Variants in LRFN5 observed in about 807,000 individuals in gnomAD.
LRFN5 encodes leucine rich repeat and fibronectin type III domain containing 5.
A neutral mutation model predicts 45.6 loss-of-function variants in LRFN5; 24 were observed. That is an observed-to-expected ratio of 0.53 (90% confidence interval 0.38 to 0.74). The LOEUF (loss-of-function observed/expected upper bound fraction) is 0.74, where lower values mean the gene tolerates loss of function less well. Among genes scored for constraint, LRFN5 ranks in the 30% least tolerant of loss-of-function variants. The pLI is 0.00. For synonymous variants in LRFN5, 340 were observed against 313.8 expected, an observed-to-expected ratio of 1.08 and a Z score of -0.88; for missense variants, 776 against 861.5, an observed-to-expected ratio of 0.90 and a Z score of 1.24.
rs1257486825 is a variant in LRFN5 at position 41,642,211 on chromosome 14, G to T, written c.-197+33649G>T. ...TAACACTTTCATCCTTCAATAATGT[G>T]TTGAAATAAATACACATACTGAATC... On this transcript the variant is annotated intron_variant, in intron 1 of 5. Transcript: ENST00000298119. Among the ~76,000 whole-genome samples, 20 of 152,072 alleles carry T rather than the reference G, an allele frequency of 1.3e-4. 1 individual carries two copies.
intron 2 of LRFN5, among the ~76,000 whole-genome samples, chr14:41,790,843 C>A (rs1886894220): frequency 6.6e-6 from 1 of 151,564 alleles, no homozygotes; most frequent in Non-Finnish European, 1.5e-5. Context: ...TTTAAATAAG[C>A]TTTTAGCATA....
At chr14:41,831,543 T>TATATG (rs1314381337) in intron 2 of LRFN5, among the ~76,000 whole-genome samples, 2 of 152,312 alleles carry the variant, frequency 1.3e-5, no homozygotes, top group South Asian at 4.1e-4. Context: ...TGTTTGTAAG[T>TATATG]ATATACACAT....
intron 2 of LRFN5, among the ~76,000 whole-genome samples, chr14:41,863,053 A>G (rs1889721809): frequency 6.6e-6 from 1 of 151,540 alleles, no homozygotes; most frequent in African/African-American, 2.4e-5. Context: ...TTTTAGTGAG[A>G]CGGAGTTTCA....
intron 1 of LRFN5, among the ~76,000 whole-genome samples, chr14:41,625,496 C>A (rs566526558): frequency 1.4e-4 from 22 of 152,232 alleles, no homozygotes; most frequent in African/African-American, 5.3e-4. Flanking sequence ...TTATAAATTA[C>A]CAAGCCTCAG....
intron 2 of LRFN5, among the ~76,000 whole-genome samples, chr14:41,847,359 T>C (rs1381919982): frequency 1.3e-5 from 2 of 152,168 alleles, no homozygotes; most frequent in Non-Finnish European, 2.9e-5. Flanking sequence ...TAAAGAAATT[T>C]ACTTAATTTA....
intron 2 of LRFN5, among the ~76,000 whole-genome samples, chr14:41,777,383 T>G (rs2138907728): frequency 2.0e-5 from 3 of 151,892 alleles, no homozygotes; most frequent in Admixed American, 2.0e-4. Flanking sequence ...ACATCTTGAG[T>G]TTCTTTTCTG....
rs192281241 is a variant in LRFN5 at position 41,713,404 on chromosome 14, A to G, written c.-196-53450A>G. Among the ~76,000 whole-genome samples the G allele has an allele frequency of 2.0e-4, 30 of 152,214 alleles. No individual in the cohort carries two copies. The East Asian group carries it at 5.2e-3, about 26-fold the overall frequency. On this transcript the variant is annotated intron_variant, in intron 1 of 5. Transcript: ENST00000298119. ...ATTAAGATTTTTAAACATATATTTG[A>G]TAAAGTACATCTAGTACAAAGACAA...
intron 2 of LRFN5, among the ~76,000 whole-genome samples, chr14:41,859,339 T>G (rs1458347903): frequency 6.6e-6 from 1 of 152,206 alleles, no homozygotes; most frequent in Non-Finnish European, 1.5e-5. Flanking sequence ...CTTTCTATGT[T>G]CCCTGTCTAC....
intron 1 of LRFN5, among the ~76,000 whole-genome samples, chr14:41,721,265 T>C (rs971666580): frequency 1.3e-5 from 2 of 152,150 alleles, no homozygotes; most frequent in African/African-American, 4.8e-5. Context: ...ATGGTTGTCA[T>C]TGTGTGTGAG....
At chr14:41,835,468 T>A (rs910759998) in intron 2 of LRFN5, among the ~76,000 whole-genome samples, 2 of 152,226 alleles carry the variant, frequency 1.3e-5, no homozygotes, top group East Asian at 3.9e-4. Flanking sequence ...TGAAGTCAAA[T>A]AGACCTCATA....
chr14:41,761,781 G>A (rs1467983700), intron 1 of LRFN5, among the ~76,000 whole-genome samples: 1 of 152,014 alleles, frequency 6.6e-6, no homozygotes, highest in Non-Finnish European at 1.5e-5. Flanking sequence ...AAGTATTTTT[G>A]TTATTATTTT....
At chr14:41,844,450 AT>A (rs1008599708) in intron 2 of LRFN5, among the ~76,000 whole-genome samples, 48 of 151,504 alleles carry the variant, frequency 3.2e-4, no homozygotes, top group South Asian at 1.7e-3. Flanking sequence ...AAAAAAAAAA[AT>A]ATGTATATTT....
At chr14:41,854,643 G>C (rs1889389676) in intron 2 of LRFN5, among the ~76,000 whole-genome samples, 1 of 152,148 alleles carries the variant, frequency 6.6e-6, no homozygotes, top group Non-Finnish European at 1.5e-5. Context: ...CAAGAAAATA[G>C]GTTGGTCTTT....
intron 1 of LRFN5, among the ~76,000 whole-genome samples, chr14:41,740,978 C>G (rs928689817): frequency 2.0e-5 from 3 of 151,756 alleles, no homozygotes; most frequent in Admixed American, 1.3e-4. Context: ...TTTACAATAG[C>G]ATCCAAAAAT....
intron 2 of LRFN5, among the ~76,000 whole-genome samples, chr14:41,843,993 A>G (rs1442793321): frequency 6.6e-6 from 1 of 152,214 alleles, no homozygotes; most frequent in African/African-American, 2.4e-5. Flanking sequence ...AGGGGCCAAT[A>G]GCTAAAAGAA....
At chr14:41,717,378 A>G (rs1348887965) in intron 1 of LRFN5, among the ~76,000 whole-genome samples, 2 of 152,224 alleles carry the variant, frequency 1.3e-5, no homozygotes, top group Non-Finnish European at 2.9e-5. Flanking sequence ...CTGTGTTTAA[A>G]TGAAAGCTAT....
At chr14:41,835,135 G>A (rs1363582827) in intron 2 of LRFN5, among the ~76,000 whole-genome samples, 1 of 151,982 alleles carries the variant, frequency 6.6e-6, no homozygotes, top group Non-Finnish European at 1.5e-5. Flanking sequence ...AACAAAGTGA[G>A]GTGTAAATTT....
chr14:41,867,666 T>C (rs1293380877), intron 2 of LRFN5, among the ~76,000 whole-genome samples: 1 of 152,108 alleles, frequency 6.6e-6, no homozygotes, highest in Admixed American at 6.6e-5. Context: ...TACATTCTCC[T>C]TATGTATTTT....
intron 1 of LRFN5, among the ~76,000 whole-genome samples, chr14:41,693,362 A>G (rs551772019): frequency 1.3e-5 from 2 of 152,220 alleles, no homozygotes; most frequent in Admixed American, 6.5e-5. Flanking sequence ...CTTTAACAAT[A>G]TAGAGTCTTC....
Sources: gnomAD v4.1 joint callset for allele counts (sites outside exome capture counted in the v4.1 genomes callset) on GRCh38, gnomAD v4.1.1 for gene constraint, MANE v1.5 for transcripts, NCBI Gene and HGNC (gene_info 2026-07-23, HGNC 2026-07-21) for gene names.